Variants in CNTN6 observed in about 807,000 individuals in gnomAD.
CNTN6 encodes contactin 6, also known as contactin-6.
CNTN6 carries 137 observed loss-of-function variants against 122.8 expected under a neutral mutation model. The observed-to-expected ratio is 1.12, with a 90% CI of 0.97 to 1.29. CNTN6 has a LOEUF of 1.29. Among genes scored for constraint, CNTN6 ranks in the 50% most tolerant of loss-of-function variants. The pLI, the probability that CNTN6 is intolerant of heterozygous loss-of-function variation, is 0.00. For missense variants in CNTN6, 1,634 were observed against 1,223.4 expected (o/e 1.34, Z -5.01); for synonymous variants, 570 against 426.0 (o/e 1.34, Z -4.16).
intron 9 of CNTN6, 97 bp from the exon 10 acceptor site, chr3:1,327,360 C>T: frequency 1.5e-6 from 2 of 1,316,630 alleles, no homozygotes; most frequent in South Asian, 2.6e-5. Context: ...ATTATCAGAT[C>T]TCATAGATAT....
At chr3:1,222,619 T>C (rs1267002951) in intron 3 of CNTN6, among the ~76,000 whole-genome samples, 2 of 152,318 alleles carry the variant, frequency 1.3e-5, no homozygotes, top group East Asian at 3.9e-4. Context: ...GGCTTTTATT[T>C]CTAAGATCCT....
intron 2 of CNTN6, among the ~76,000 whole-genome samples, chr3:1,217,593 G>A (rs1458691496): frequency 6.6e-6 from 1 of 152,186 alleles, no homozygotes; most frequent in African/African-American, 2.4e-5. Context: ...TTGGGGTGAT[G>A]TTTCAATAAT....
intron 5 of CNTN6, 100 bp downstream of exon 5, chr3:1,278,608 A>G: frequency 1.4e-6 from 1 of 712,494 alleles, no homozygotes; most frequent in Non-Finnish European, 2.3e-6. Context: ...TTATCAAATC[A>G]AAGAAATTGT....
intron 5 of CNTN6, 25 bp from the exon 6 acceptor site, chr3:1,295,576 T>C (rs753218127): frequency 6.3e-7 from 1 of 1,593,582 alleles, no homozygotes. Context: ...TTTTGTTTTG[T>C]TTTGTTTTGT....
At chr3:1,193,979 T>A (rs1393321090) in intron 2 of CNTN6, among the ~76,000 whole-genome samples, 1 of 152,114 alleles carries the variant, frequency 6.6e-6, no homozygotes, top group African/African-American at 2.4e-5. Context: ...TATGTTTTTT[T>A]TCCCCAAAGC....
intron 5 of CNTN6, among the ~76,000 whole-genome samples, chr3:1,283,801 A>G (rs1693882800): frequency 6.6e-6 from 1 of 152,142 alleles, no homozygotes; most frequent in African/African-American, 2.4e-5. Context: ...GGAGTTCGAG[A>G]CCAGCCTGGC....
In CNTN6 at chr3:1,404,173, A is replaced by G. The variant is rs1396108183; in HGVS notation, c.*755A>G. On this transcript the variant is annotated 3_prime_UTR_variant, in exon 23 of 23. Transcript: ENST00000446702. ...AGGTAATTATGACAAGTTGATTGCA[A>G]TGTATGTGGCCTTATTTTTATAATA... is the stretch of plus-strand genomic sequence containing the variant. The G allele has an allele frequency of 6.6e-6, 1 of 152,170 alleles. No homozygotes were observed. The highest frequency in any genetic ancestry group is 1.5e-5 in the Non-Finnish European group (1 of 68,036). 9.4% of individuals were successfully genotyped at this position (152,170 alleles called of 1,614,324 possible).
chr3:1,120,481 A>G (rs2091908629), intron 1 of CNTN6, among the ~76,000 whole-genome samples: 1 of 151,880 alleles, frequency 6.6e-6, no homozygotes, highest in Admixed American at 6.6e-5. Flanking sequence ...TTGACTCTAC[A>G]TATTTTACTT....
At chr3:1,393,993 T>C (rs1180279472) in intron 20 of CNTN6, among the ~76,000 whole-genome samples, 2 of 152,154 alleles carry the variant, frequency 1.3e-5, no homozygotes, top group East Asian at 1.9e-4. Context: ...TCTTCCCTGC[T>C]ATTCTTAAGC....
chr3:1,301,913 A>G (rs901445437), intron 7 of CNTN6, among the ~76,000 whole-genome samples: 5 of 152,216 alleles, frequency 3.3e-5, no homozygotes, highest in African/African-American at 9.6e-5. Flanking sequence ...AGTTTTCAGA[A>G]AACAAATTAA....
chr3:1,191,172 T>G (rs2093697047), intron 2 of CNTN6, among the ~76,000 whole-genome samples: 1 of 152,098 alleles, frequency 6.6e-6, no homozygotes, highest in Non-Finnish European at 1.5e-5. Flanking sequence ...TTGTCCCTGG[T>G]TCCTGACACA....
intron 12 of CNTN6, among the ~76,000 whole-genome samples, chr3:1,368,723 C>A (rs1044360445): frequency 2.6e-5 from 4 of 151,886 alleles, no homozygotes. Context: ...TTTATTATAT[C>A]GTATAAAATT....
rs938106357 is a variant in CNTN6 at position 1,372,230 on chromosome 3, G to A, written c.1493-69G>A. 3.3e-6 allele frequency: 4 copies of A among 1,223,236 alleles called. No individual in the cohort carries two copies. The African/African-American group carries it at 6.2e-5, about 19-fold the overall frequency. 75.8% of individuals were successfully genotyped at this position (1,223,236 alleles called of 1,614,324 possible). ...TTTCAAATGAATGATAAAGTATTCA[G>A]AAATATGTATTTTATAACCATAGGC... On this transcript the variant is annotated intron_variant, in intron 12 of 22. Transcript: ENST00000446702.
chr3:1,245,440 G>GA (rs1270548662), intron 4 of CNTN6, among the ~76,000 whole-genome samples: 1 of 145,368 alleles, frequency 6.9e-6, no homozygotes, highest in Non-Finnish European at 1.5e-5. Context: ...CTCAGGAATG[G>GA]AAAATCAAAC....
intron 2 of CNTN6, among the ~76,000 whole-genome samples, chr3:1,219,391 A>G (rs1031130607): frequency 7.2e-5 from 11 of 152,182 alleles, no homozygotes; most frequent in African/African-American, 2.7e-4. Flanking sequence ...GAAGGAGGAG[A>G]GGATAGAGGG....
intron 4 of CNTN6, among the ~76,000 whole-genome samples, chr3:1,266,277 A>C (rs111247505): frequency 2.8e-4 from 43 of 152,184 alleles, no homozygotes; most frequent in Non-Finnish European, 5.9e-4. Context: ...GAGCTGGAGA[A>C]AGCTACAAAG....
chr3:1,099,406 G>C (rs970002110), intron 1 of CNTN6, among the ~76,000 whole-genome samples: 1 of 152,258 alleles, frequency 6.6e-6, no homozygotes, highest in Admixed American at 6.5e-5. Flanking sequence ...AGCCGAGATT[G>C]AGCCATTACA....
At position 1,161,591 on chromosome 3, in the gene CNTN6, G is replaced by C. The variant is rs1198202803; in HGVS notation, c.55+13528G>C. ...TATATGTATCCACATTCTTTTCAGA[G>C]ACATGGTTGTTAAATAACTGCTAGC... is the stretch of plus-strand genomic sequence containing the variant. On this transcript the variant is annotated intron_variant, in intron 2 of 22. Coordinates refer to ENST00000446702, the MANE Select transcript of CNTN6 (RefSeq NM_001289080.2). Among the ~76,000 whole-genome samples, 4 of 151,810 alleles carry C rather than the reference G, an allele frequency of 2.6e-5. No homozygotes were observed. In the East Asian group the frequency reaches 7.8e-4, roughly 29 times the overall value.
intron 7 of CNTN6, among the ~76,000 whole-genome samples, chr3:1,305,723 T>C (rs201986458): frequency 9.0e-6 from 1 of 111,454 alleles, no homozygotes; most frequent in African/African-American, 4.3e-5. Context: ...GGAATGTAAA[T>C]AACATTAGTA....
Sources: gnomAD v4.1 joint callset for allele counts (sites outside exome capture counted in the v4.1 genomes callset) on GRCh38, gnomAD v4.1.1 for gene constraint, MANE v1.5 for transcripts, NCBI Gene and HGNC (gene_info 2026-07-23, HGNC 2026-07-21) for gene names.